STAT4: variants seen among roughly 807,000 people sequenced by gnomAD.
The protein encoded by STAT4 is signal transducer and activator of transcription 4.
A neutral mutation model predicts 110.5 loss-of-function variants in STAT4; 42 were observed. The ratio of observed to expected loss-of-function variants is 0.38; its 90% CI spans 0.30 to 0.49. The LOEUF is 0.49. STAT4 is among the 20% of genes least tolerant of loss of function. STAT4 has a pLI of 0.95. For synonymous variants in STAT4, 284 were observed against 302.2 expected (o/e 0.94, Z 0.63); for missense variants, 632 against 887.9 (o/e 0.71, Z 3.66).
At chr2:191,054,409 A>T in intron 14 of STAT4, 81 bp downstream of exon 14, 1 of 1,132,866 alleles carries the variant, frequency 8.8e-7, no homozygotes, top group South Asian at 1.5e-5. Flanking sequence ...ATATGAAGTC[A>T]AGCAGTTTAA....
At chr2:191,119,764 T>C (rs546369284) in intron 3 of STAT4, among the ~76,000 whole-genome samples, 9 of 152,314 alleles carry the variant, frequency 5.9e-5, no homozygotes, top group African/African-American at 1.9e-4. Context: ...TACTATCATA[T>C]ATCAAGACTA....
rs761405382 is a variant in STAT4 at position 191,033,179 on chromosome 2, A to C, written c.1853-30T>G. The C allele has an allele frequency of 6.2e-7, 1 of 1,604,122 alleles. No homozygotes were observed. Among genetic ancestry groups the C allele is most frequent in the Non-Finnish European group, 8.5e-7 (1 of 1,173,776 alleles). On this transcript the variant is annotated intron_variant, in intron 20 of 23. Coordinates refer to ENST00000392320, the MANE Select transcript of STAT4 (RefSeq NM_003151.4). The surrounding 1 kb of genome is among the most constrained non-coding windows in gnomAD (Gnocchi z 6.9). ...AAAAACAGAAATTGGAGAAATATAC[A>C]GGTTCCTGTACACATTCCTTGTGAC... is the stretch of plus-strand genomic sequence containing the variant.
At position 191,110,626 on chromosome 2, in the gene STAT4, TACATGTATCC is replaced by T. The variant is rs1362370072; in HGVS notation, c.274-34311_274-34302del. Among the ~76,000 whole-genome samples the T allele has an allele frequency of 6.6e-6, 1 of 152,188 alleles. No individual in the cohort carries two copies. Among genetic ancestry groups the T allele is most frequent in the Non-Finnish European group, 1.5e-5 (1 of 68,028 alleles). ...TTAAAGTGCTTTTTGTTTCGTGGTA[TACATGTATCC>T]AAGATGGGGAATTTATTGGCCACTT... On this transcript the variant is annotated intron_variant, in intron 3 of 23. Coordinates refer to ENST00000392320, the MANE Select transcript of STAT4 (RefSeq NM_003151.4). This position sits in a 1 kb window ranked among gnomAD's most constrained non-coding sequence, Gnocchi z 4.5.
Position 191,058,107 on chromosome 2 carries a change from G to C in STAT4, c.1117C>G (p.Arg373Gly). ...IDKNVSTLSN[R>G]RFVLCGTNVK... ...TTAGTTCCACAAAGTACAAATCTTC[G>C]GTTGCTGGAGAGGAAATCTTAGCTA... Residue 373 changes from arginine (R) to glycine (G), a missense_variant, in exon 13 of 24, where the codon CGA becomes GGA. Physicochemically the swap from Arg to Gly is moderately radical, Grantham distance 125 (BLOSUM62 -2). Coordinates refer to ENST00000392320, the MANE Select transcript of STAT4 (RefSeq NM_003151.4). This position sits in a 1 kb window ranked among gnomAD's most constrained non-coding sequence, Gnocchi z 4.3. 6.2e-7 allele frequency: 1 copy of C among 1,613,698 alleles called. No individual in the cohort carries two copies. Among genetic ancestry groups the C allele is most frequent in the Non-Finnish European group, 8.5e-7 (1 of 1,179,778 alleles).
At chr2:191,131,882 C>T (rs2125417688) in intron 3 of STAT4, 2 of 1,448,232 alleles carry the variant, frequency 1.4e-6, no homozygotes, top group Non-Finnish European at 9.1e-7. Context: ...GGCAGCTGTG[C>T]TGTAGCCAAC....
rs1699289346 is a variant in STAT4, at chr2:191,140,379, G to C, written c.273+6234C>G. ...AGGACTAATATCCATAATCTGCAAG[G>C]AACTCAAACAAATCAGCAAAAAAAC... On this transcript the variant is annotated intron_variant, in intron 3 of 23. Transcript: ENST00000392320. This position sits in a 1 kb window ranked among gnomAD's most constrained non-coding sequence, Gnocchi z 4.4. Among the ~76,000 whole-genome samples the C allele has an allele frequency of 6.6e-6, 1 of 152,114 alleles. No homozygotes were observed. Among genetic ancestry groups the C allele is most frequent in the African/African-American group, 2.4e-5 (1 of 41,414 alleles).
At chr2:191,052,263 T>A (rs754852706) in intron 14 of STAT4, among the ~76,000 whole-genome samples, 1 of 152,216 alleles carries the variant, frequency 6.6e-6, no homozygotes, top group Non-Finnish European at 1.5e-5. Context: ...ACTAGTCAAC[T>A]GTTACTGCTG....
chr2:191,058,049 T>C lies in STAT4; in HGVS notation c.1175A>G (p.Asn392Ser), dbSNP rs1198228238. 6.2e-7 allele frequency: 1 copy of C among 1,614,076 alleles called. No individual in the cohort carries two copies. The highest frequency in any genetic ancestry group is 1.1e-5 in the South Asian group (1 of 91,086). ...VKAMSIEESS[N>S]GSLSVEFRHL... ...TCGAAATTCTACTGAGAGACTCCCA[T>C]TGGAAGATTCTTCAATAGACATGGC... The change falls in exon 13 of 24, where the codon AAT becomes AGT. Residue 392 changes from asparagine (N) to serine (S), a missense_variant. Physicochemically the swap from Asn to Ser is conservative, Grantham distance 46 (BLOSUM62 1). Coordinates refer to ENST00000392320, the MANE Select transcript of STAT4 (RefSeq NM_003151.4). This position sits in a 1 kb window ranked among gnomAD's most constrained non-coding sequence, Gnocchi z 4.3.
intron 16 of STAT4, 125 bp from the exon 17 acceptor site, chr2:191,036,424 AGGTG>A: frequency 1.8e-5 from 18 of 1,007,606 alleles, no homozygotes; most frequent in Non-Finnish European, 2.6e-5. Context: ...GGTGACTATT[AGGTG>A]ATAGTCAGGC....
chr2:191,133,580 C>T (rs1388763441), intron 3 of STAT4, among the ~76,000 whole-genome samples: 1 of 151,562 alleles, frequency 6.6e-6, no homozygotes, highest in Non-Finnish European at 1.5e-5. Context: ...ATGTTTATTT[C>T]CAGGCCATAG....
Position 191,068,227 on chromosome 2 carries a change from C to T in STAT4, c.544+1466G>A, listed in dbSNP as rs531298543. On this transcript the variant is annotated intron_variant, in intron 6 of 23. Coordinates refer to ENST00000392320, the MANE Select transcript of STAT4 (RefSeq NM_003151.4). ...ACTGAAAAAGTGACTCAAATCATAA[C>T]AAATTAAGTTCAAATAATCTAATTC... 3 of 152,248 alleles carry T rather than the reference C, an allele frequency of 2.0e-5. No individual in the cohort carries two copies. In the South Asian group the frequency reaches 6.2e-4, roughly 32 times the overall value. 9.4% of individuals were successfully genotyped at this position (152,248 alleles called of 1,614,324 possible). A position where few individuals can be genotyped will look rare whatever the true frequency, so the allele number is the denominator to read the frequency against.
intron 4 of STAT4, among the ~76,000 whole-genome samples, chr2:191,074,116 T>C (rs936726964): frequency 3.9e-5 from 6 of 152,186 alleles, no homozygotes; most frequent in African/African-American, 1.4e-4. Flanking sequence ...AACATAAAAA[T>C]GTTAGCCTGG....
intron 4 of STAT4, 104 bp from the exon 5 acceptor site, chr2:191,073,294 T>C (rs1036860736): frequency 2.0e-5 from 17 of 839,766 alleles, no homozygotes; most frequent in African/African-American, 3.4e-5. Flanking sequence ...CAATGTGATA[T>C]GGATACTCTA....
rs749073198 is a variant in STAT4 at position 191,137,472 on chromosome 2, C to T, written c.273+9141G>A. On this transcript the variant is annotated intron_variant, in intron 3 of 23. Coordinates refer to ENST00000392320, the MANE Select transcript of STAT4 (RefSeq NM_003151.4). ...AATCAAAGCAATCCCTATTAAAATA[C>T]CAATGTCGTTTTTCACAGAAATAGA... 9.8e-4 allele frequency among the ~76,000 whole-genome samples: 149 copies of T among 152,098 alleles called. 1 individual carries two copies. The highest frequency in any genetic ancestry group is 1.8e-3 in the Non-Finnish European group (123 of 68,004).
In STAT4 at chr2:191,109,699, A is replaced by G. The variant is rs1574163871; in HGVS notation, c.274-33374T>C. On this transcript the variant is annotated intron_variant, in intron 3 of 23. Coordinates refer to ENST00000392320, the MANE Select transcript of STAT4 (RefSeq NM_003151.4). Reference sequence around the variant, plus strand: ...TCCTTAATGTTTTAGCTTGCATTAGATTTCTCTTATTCCAGTGGTACTTAG... The same window carrying G: ...TCCTTAATGTTTTAGCTTGCATTAGGTTTCTCTTATTCCAGTGGTACTTAG... Among the ~76,000 whole-genome samples, 5 of 152,234 alleles carry G rather than the reference A, an allele frequency of 3.3e-5. No homozygotes were observed. In the South Asian group the frequency reaches 1.0e-3, roughly 32 times the overall value.
intron 5 of STAT4, among the ~76,000 whole-genome samples, chr2:191,072,308 T>A (rs993392231): frequency 6.6e-6 from 1 of 152,194 alleles, no homozygotes; most frequent in East Asian, 1.9e-4. Context: ...ATCTACACAC[T>A]TGCAGAGTGA....
Position 191,148,339 on chromosome 2 carries a change from GT to G in STAT4, c.-1-136del, listed in dbSNP as rs1006890695. The G allele has an allele frequency of 3.7e-5, 43 of 1,151,892 alleles. No individual in the cohort carries two copies. In the African/African-American group the frequency reaches 4.3e-4, roughly 12 times the overall value. The allele number at this position is 1,151,892 out of a possible 1,614,324, so 71.4% of individuals were successfully genotyped here. Reference sequence around the variant, plus strand: ...CCAAGGATACAAAAATTTCACTAAGGTTTTTTTTCATAATTCAACCCTAATG... The same window carrying G: ...CCAAGGATACAAAAATTTCACTAAGGTTTTTTTCATAATTCAACCCTAATG... On this transcript the variant is annotated intron_variant, in intron 1 of 23. Coordinates refer to ENST00000392320, the MANE Select transcript of STAT4 (RefSeq NM_003151.4).
At chr2:191,085,727 G>A (rs944745287) in intron 3 of STAT4, among the ~76,000 whole-genome samples, 1 of 152,170 alleles carries the variant, frequency 6.6e-6, no homozygotes, top group Non-Finnish European at 1.5e-5. Context: ...TGGAGACAGT[G>A]CCAATGGAAT....
chr2:191,077,419 A>G lies in STAT4; in HGVS notation c.274-1094T>C, dbSNP rs2125272088. Among the ~76,000 whole-genome samples, 1 of 152,278 alleles carries G rather than the reference A, an allele frequency of 6.6e-6. No homozygotes were observed. Among genetic ancestry groups the G allele is most frequent in the South Asian group, 2.1e-4 (1 of 4,832 alleles). On this transcript the variant is annotated intron_variant, in intron 3 of 23. Coordinates refer to ENST00000392320, the MANE Select transcript of STAT4 (RefSeq NM_003151.4). The surrounding 1 kb of genome is among the most constrained non-coding windows in gnomAD (Gnocchi z 4.1). ...TAGTATTAAATTTCTTTGTTACTGG[A>G]CTTTTTCCAGGGCAGGATTAACAGG... is the stretch of plus-strand genomic sequence containing the variant.
Sources: allele counts gnomAD v4.1 joint callset (sites outside exome capture counted in the v4.1 genomes callset), GRCh38; gene constraint gnomAD v4.1.1; non-coding constraint Gnocchi (gnomAD v3.1); transcripts MANE v1.5; gene names NCBI Gene and HGNC (gene_info 2026-07-23, HGNC 2026-07-21).